Variants in IGF1R observed in about 807,000 individuals in gnomAD.
The protein encoded by IGF1R is insulin like growth factor 1 receptor.
IGF1R carries 44 observed loss-of-function variants against 144.6 expected under a neutral mutation model. The ratio of observed to expected loss-of-function variants is 0.30; its 90% confidence interval spans 0.24 to 0.39. The LOEUF is 0.39. IGF1R is among the 10% of genes least tolerant of loss of function. The pLI is 1.00. For synonymous variants in IGF1R, 795 were observed against 722.8 expected (o/e 1.10, Z -1.60); for missense variants, 1,355 against 1,833.7 (o/e 0.74, Z 4.77).
chr15:98,855,538 A>G (rs1227900382), intron 2 of IGF1R, among the ~76,000 whole-genome samples: 1 of 152,234 alleles, frequency 6.6e-6, no homozygotes, highest in East Asian at 1.9e-4. Flanking sequence ...GGACTTGATT[A>G]ATATTTGTTT....
intron 2 of IGF1R, among the ~76,000 whole-genome samples, chr15:98,716,875 G>A (rs1228948867): frequency 6.6e-6 from 1 of 152,134 alleles, no homozygotes; most frequent in Non-Finnish European, 1.5e-5. Context: ...ATGTCATGGG[G>A]CTGGCCAGGC....
intron 2 of IGF1R, among the ~76,000 whole-genome samples, chr15:98,879,968 G>GA (rs1317473371): frequency 6.6e-6 from 1 of 152,218 alleles, no homozygotes; most frequent in East Asian, 1.9e-4. Context: ...GATTGCCTGG[G>GA]AAAGGGGCGT....
intron 2 of IGF1R, among the ~76,000 whole-genome samples, chr15:98,777,196 G>A (rs2055740524): frequency 6.6e-6 from 1 of 152,178 alleles, no homozygotes; most frequent in Non-Finnish European, 1.5e-5. Context: ...TCAATTTGCT[G>A]ATCAGGGCCT....
intron 2 of IGF1R, among the ~76,000 whole-genome samples, chr15:98,864,703 C>G (rs1374962443): frequency 6.6e-6 from 1 of 152,134 alleles, no homozygotes; most frequent in East Asian, 1.9e-4. Flanking sequence ...AACTCTTTAG[C>G]CAAAAGAAAG....
Position 98,674,484 on chromosome 15 carries a change from G to T in IGF1R, c.94+24809G>T, listed in dbSNP as rs527510402. Among the ~76,000 whole-genome samples, 14 of 152,184 alleles carry T rather than the reference G, an allele frequency of 9.2e-5. 1 individual carries two copies. The South Asian group carries it at 2.9e-3, about 32-fold the overall frequency. ...CCTTTATATGAGGTCTACAGAGCGC[G>T]TTCAGAGGGCTCTTATCATTGATTC... On this transcript the variant is annotated intron_variant, in intron 1 of 20. Coordinates refer to ENST00000650285, the MANE Select transcript of IGF1R (RefSeq NM_000875.5).
chr15:98,649,478 T>G lies in IGF1R; in HGVS notation c.-104T>G. 1.2e-6 allele frequency: 1 copy of G among 810,718 alleles called. No homozygotes were observed. The highest frequency in any genetic ancestry group is 2.0e-6 in the Non-Finnish European group (1 of 505,432). 50.2% of individuals were successfully genotyped at this position (810,718 alleles called of 1,614,324 possible). ...TTGTTTTTGGAGGGGGAGCGAAGAC[T>G]GAGTTTGAGACTTGTTTCCTTTCAT... On this transcript the variant is annotated 5_prime_UTR_variant, in exon 1 of 21. Transcript: ENST00000650285.
chr15:98,958,789 C>T lies in IGF1R; in HGVS notation c.*1347C>T, dbSNP rs1351585906. The T allele has an allele frequency of 4.3e-6, 1 of 233,006 alleles. No individual in the cohort carries two copies. The highest frequency in any genetic ancestry group is 2.2e-5 in the African/African-American group (1 of 45,278). 14.4% of individuals were successfully genotyped at this position (233,006 alleles called of 1,614,324 possible). A position where few individuals can be genotyped will look rare whatever the true frequency, so the allele number is the denominator to read the frequency against. ...AGGTCCACCCTCTCCCCTTTCTGCT[C>T]ACTCCAAGAAACTTCTTATGCTTTG... On this transcript the variant is annotated 3_prime_UTR_variant, in exon 21 of 21. Transcript: ENST00000650285.
intron 19 of IGF1R, among the ~76,000 whole-genome samples, chr15:98,944,966 C>T (rs775718316): frequency 2.0e-5 from 3 of 152,218 alleles, no homozygotes; most frequent in Non-Finnish European, 4.4e-5. Context: ...TAGGAGTCAT[C>T]GAAGAGGTGT....
intron 1 of IGF1R, chr15:98,650,826 C>T (rs2052343607): frequency 3.6e-6 from 3 of 829,958 alleles, no homozygotes; most frequent in Non-Finnish European, 4.4e-6. Flanking sequence ...TAAGCAGTGT[C>T]GCTCCACATT....
chr15:98,724,947 C>T (rs561719699), intron 2 of IGF1R, among the ~76,000 whole-genome samples: 2 of 152,308 alleles, frequency 1.3e-5, no homozygotes, highest in East Asian at 3.9e-4. Context: ...TTTCACCTGC[C>T]CTGTGTAATT....
chr15:98,765,307 CCTT>C (rs142040238), intron 2 of IGF1R, among the ~76,000 whole-genome samples: 11,283 of 116,012 alleles, frequency 0.097, 758 homozygotes, highest in South Asian at 0.19. Flanking sequence ...CATGCCAACA[CCTT>C]TTTTTTTTTT....
At chr15:98,686,819 C>A (rs930131686) in intron 1 of IGF1R, among the ~76,000 whole-genome samples, 2 of 152,050 alleles carry the variant, frequency 1.3e-5, no homozygotes, top group Non-Finnish European at 2.9e-5. Context: ...TATGTTCCTG[C>A]GCCATCACTC....
At chr15:98,849,621 T>C (rs1043781634) in intron 2 of IGF1R, among the ~76,000 whole-genome samples, 4 of 152,230 alleles carry the variant, frequency 2.6e-5, no homozygotes, top group Middle Eastern at 3.4e-3. Flanking sequence ...CAAAGACAGA[T>C]GCCAAACTGA....
intron 2 of IGF1R, among the ~76,000 whole-genome samples, chr15:98,855,753 T>G (rs944988196): frequency 6.6e-6 from 1 of 152,174 alleles, no homozygotes; most frequent in Admixed American, 6.5e-5. Flanking sequence ...TTGGGCCAAA[T>G]AGGAAAGTGA....
At chr15:98,926,381 C>T (rs2015719195) in intron 13 of IGF1R, among the ~76,000 whole-genome samples, 2 of 151,374 alleles carry the variant, frequency 1.3e-5, no homozygotes, top group Non-Finnish European at 2.9e-5. Context: ...GGAATAAGTT[C>T]AATAGATATA....
chr15:98,850,037 T>G (rs1357483068), intron 2 of IGF1R, among the ~76,000 whole-genome samples: 1 of 152,218 alleles, frequency 6.6e-6, no homozygotes, highest in Non-Finnish European at 1.5e-5. Flanking sequence ...GAGGGGGCAT[T>G]TACCCCATAG....
chr15:98,667,985 G>A (rs760058272), intron 1 of IGF1R, among the ~76,000 whole-genome samples: 3 of 152,088 alleles, frequency 2.0e-5, no homozygotes. Flanking sequence ...TGCTGTGACA[G>A]GTTACTATAG....
chr15:98,783,298 T>C (rs1045991619), intron 2 of IGF1R, among the ~76,000 whole-genome samples: 6 of 152,206 alleles, frequency 3.9e-5, no homozygotes, highest in African/African-American at 1.4e-4. Flanking sequence ...AAGGTACACC[T>C]ACTTCCCTTC....
At chr15:98,822,259 C>T (rs1225380147) in intron 2 of IGF1R, among the ~76,000 whole-genome samples, 1 of 152,112 alleles carries the variant, frequency 6.6e-6, no homozygotes, top group African/African-American at 2.4e-5. Flanking sequence ...ACAGTCCTCG[C>T]CCTACCTCGA....
Sources: allele counts gnomAD v4.1 joint callset (sites outside exome capture counted in the v4.1 genomes callset), GRCh38; gene constraint gnomAD v4.1.1; transcripts MANE v1.5; gene names NCBI Gene and HGNC (gene_info 2026-07-23, HGNC 2026-07-21).